ZDHHC5: variants seen among roughly 807,000 people sequenced by gnomAD.
ZDHHC5 encodes the protein palmitoyltransferase ZDHHC5.
Under a neutral mutation model 70.0 loss-of-function variants are expected in ZDHHC5, and 22 were observed. That is an observed-to-expected ratio of 0.31 (90% CI 0.22 to 0.45). The LOEUF is 0.45. Ranked by LOEUF, ZDHHC5 falls within the 20% of genes least tolerant of loss-of-function variation. The pLI is 1.00. For missense variants in ZDHHC5, 746 were observed against 926.9 expected (o/e 0.80, Z 2.53); for synonymous variants, 313 against 347.8 (o/e 0.90, Z 1.11).
chr11:57,679,034 GTTTC>G (rs2135383887), intron 2 of ZDHHC5, among the ~76,000 whole-genome samples: 1 of 152,238 alleles, frequency 6.6e-6, no homozygotes, highest in African/African-American at 2.4e-5. Flanking sequence ...CCTACTTTGT[GTTTC>G]TTTCTAAGAA....
In ZDHHC5 at chr11:57,690,113, T is replaced by G; in HGVS notation, c.467T>G (p.Leu156Arg). Residue 156 changes from leucine to arginine, a missense_variant, in exon 5 of 12, where the codon CTG becomes CGG. By Grantham distance (102) the Leu-to-Arg change is moderately radical. Coordinates refer to ENST00000287169, the MANE Select transcript of ZDHHC5 (RefSeq NM_015457.3). ...YRYFFLFLLS[L>R]TAHIMGVFGF... Reference sequence around the variant, plus strand: ...TATTTTTTCCTTTTCCTCCTTTCCCTGACAGCCCACATTATGGGTGTGTTT... The same window carrying G: ...TATTTTTTCCTTTTCCTCCTTTCCCGGACAGCCCACATTATGGGTGTGTTT... 1 of 1,614,162 alleles carries G rather than the reference T, an allele frequency of 6.2e-7. No individual in the cohort carries two copies. The highest frequency in any genetic ancestry group is 8.5e-7 in the Non-Finnish European group (1 of 1,180,030).
Position 57,696,886 on chromosome 11 carries a change from C to T in ZDHHC5, c.1122+13C>T. The T allele has an allele frequency of 6.2e-7, 1 of 1,612,604 alleles. No homozygotes were observed. Among genetic ancestry groups the T allele is most frequent in the South Asian group, 1.1e-5 (1 of 91,008 alleles). On this transcript the variant is annotated intron_variant, in intron 10 of 11. Coordinates refer to ENST00000287169, the MANE Select transcript of ZDHHC5 (RefSeq NM_015457.3). ...CTCCAGCGCCAAGGTACTGAGTACT[C>T]TAAGAGGTGGGGTAATAACATGCCA...
intron 9 of ZDHHC5, 46 bp downstream of exon 9, chr11:57,696,089 T>C: frequency 6.3e-7 from 1 of 1,579,394 alleles, no homozygotes; most frequent in East Asian, 2.3e-5. Context: ...AGGGGCAGGA[T>C]TGAGAAGGTT....
chr11:57,683,786 C>T (rs944277280), intron 3 of ZDHHC5, among the ~76,000 whole-genome samples: 3 of 151,582 alleles, frequency 2.0e-5, no homozygotes, highest in East Asian at 1.9e-4. Flanking sequence ...ATTTTTGTAA[C>T]GATCAGAGGA....
intron 1 of ZDHHC5, chr11:57,668,726 C>G (rs780899809): frequency 6.6e-6 from 1 of 152,622 alleles, no homozygotes; most frequent in East Asian, 1.9e-4. Flanking sequence ...GTTACCTGTT[C>G]TCTCTCACCC....
chr11:57,697,642 CAAA>C (rs35869929), intron 10 of ZDHHC5, among the ~76,000 whole-genome samples: 8 of 85,666 alleles, frequency 9.3e-5, no homozygotes, highest in Middle Eastern at 6.6e-3. Flanking sequence ...GAGTCCATCT[CAAA>C]AAAAAAAAAA....
chr11:57,697,477 T>A (rs993156581), intron 10 of ZDHHC5, among the ~76,000 whole-genome samples: 27 of 142,690 alleles, frequency 1.9e-4, no homozygotes, highest in South Asian at 4.5e-4. Flanking sequence ...AAAAAATAAA[T>A]AAATAAATAC....
At chr11:57,679,814 A>G (rs1226449789) in intron 2 of ZDHHC5, among the ~76,000 whole-genome samples, 4 of 152,088 alleles carry the variant, frequency 2.6e-5, no homozygotes, top group African/African-American at 9.7e-5. Context: ...CTCTGCTCAC[A>G]CATGCCTCTC....
Position 57,690,325 on chromosome 11 carries a change from T to C in ZDHHC5, c.558-10T>C. ...ATGTTGCTCTGTTCTCCTTGATTGT[T>C]TGGCATCAGAATGGCAGTAATGTGT... On this transcript the variant is annotated splice_polypyrimidine_tract_variant and intron_variant, in intron 5 of 11. Coordinates refer to ENST00000287169, the MANE Select transcript of ZDHHC5 (RefSeq NM_015457.3). The C allele has an allele frequency of 6.2e-7, 1 of 1,614,154 alleles. No individual in the cohort carries two copies. Among genetic ancestry groups the C allele is most frequent in the Non-Finnish European group, 8.5e-7 (1 of 1,180,030 alleles).
At position 57,699,861 on chromosome 11, in the gene ZDHHC5, T is replaced by G; in HGVS notation, c.1983-5T>G. ...TGACACCTACGTCTTGTCTCTTCTT[T>G]CCAGAGATGAAGTACAGCTGAAGAC... On this transcript the variant is annotated splice_region_variant and splice_polypyrimidine_tract_variant and intron_variant, in intron 11 of 11. Transcript: ENST00000287169. The G allele has an allele frequency of 6.2e-7, 1 of 1,614,188 alleles. No individual in the cohort carries two copies. Among genetic ancestry groups the G allele is most frequent in the East Asian group, 2.2e-5 (1 of 44,886 alleles).
intron 3 of ZDHHC5, among the ~76,000 whole-genome samples, chr11:57,686,428 A>C (rs1453512671): frequency 6.6e-6 from 1 of 151,088 alleles, no homozygotes; most frequent in Non-Finnish European, 1.5e-5. Context: ...CAATTATTCT[A>C]CCTCAGCCTC....
chr11:57,690,473 A>G (rs1280526097), intron 6 of ZDHHC5, 36 bp downstream of exon 6: 1 of 1,604,032 alleles, frequency 6.2e-7, no homozygotes, highest in African/African-American at 1.3e-5. Context: ...CCTGAAGAGC[A>G]GGTCATGTCT....
At position 57,672,257 on chromosome 11, in the gene ZDHHC5, A is replaced by G. The variant is rs1946015658; in HGVS notation, c.-834A>G. 1 of 398,494 alleles carries G rather than the reference A, an allele frequency of 2.5e-6. No homozygotes were observed. Among genetic ancestry groups the G allele is most frequent in the Non-Finnish European group, 4.4e-6 (1 of 226,062 alleles). The allele number at this position is 398,494 out of a possible 1,614,324, so 24.7% of individuals were successfully genotyped here. On this transcript the variant is annotated 5_prime_UTR_variant, in exon 2 of 12. Coordinates refer to ENST00000287169, the MANE Select transcript of ZDHHC5 (RefSeq NM_015457.3). ...TAGTTTTACATGAACTTTGTAGGAA[A>G]CAGAGCCCTTAAAGGGCTTGGGAAT...
intron 1 of ZDHHC5, among the ~76,000 whole-genome samples, chr11:57,670,157 G>T (rs1009428541): frequency 1.3e-5 from 2 of 152,106 alleles, no homozygotes; most frequent in Non-Finnish European, 1.5e-5. Flanking sequence ...TAGTCTTTGG[G>T]ATTTTGAGGG....
intron 2 of ZDHHC5, among the ~76,000 whole-genome samples, chr11:57,673,729 C>G (rs1317889896): frequency 6.6e-6 from 1 of 152,136 alleles, no homozygotes; most frequent in African/African-American, 2.4e-5. Flanking sequence ...AACCACCACA[C>G]CTGGCTAATT....
At chr11:57,684,207 C>G (rs1175713884) in intron 3 of ZDHHC5, among the ~76,000 whole-genome samples, 1 of 152,142 alleles carries the variant, frequency 6.6e-6, no homozygotes, top group Admixed American at 6.5e-5. Context: ...GAACTCCTGA[C>G]CTTGTGATTC....
chr11:57,675,556 C>T (rs887507830), intron 2 of ZDHHC5, among the ~76,000 whole-genome samples: 4 of 152,180 alleles, frequency 2.6e-5, no homozygotes, highest in African/African-American at 9.7e-5. Context: ...GCCTCTCATC[C>T]AAAGTTAGAA....
At chr11:57,675,443 C>T (rs1407715704) in intron 2 of ZDHHC5, among the ~76,000 whole-genome samples, 1 of 152,226 alleles carries the variant, frequency 6.6e-6, no homozygotes, top group Non-Finnish European at 1.5e-5. Context: ...CCTACTTTCT[C>T]ATTCCCTGGT....
At position 57,699,930 on chromosome 11, in the gene ZDHHC5, G is replaced by T. The variant is rs374080912; in HGVS notation, c.2047G>T (p.Ala683Ser). ...SNGQPKSLGS[A>S]SPGPGQPPLS... ...CGGGCAGCCCAAGAGCTTAGGCTCA[G>T]CCTCCCCTGGCCCAGGCCAGCCACC... is the stretch of plus-strand genomic sequence containing the variant. Residue 683 changes from alanine (A) to serine (S), a missense_variant, in exon 12 of 12, where the codon GCC (alanine) becomes TCC (serine). This residue lies in a region of ZDHHC5 where 340 missense variants were observed against 350.1 expected (regional missense o/e 0.97). Coordinates refer to ENST00000287169, the MANE Select transcript of ZDHHC5 (RefSeq NM_015457.3). 3.7e-6 allele frequency: 6 copies of T among 1,614,236 alleles called. No individual in the cohort carries two copies. The highest frequency in any genetic ancestry group is 5.1e-6 in the Non-Finnish European group (6 of 1,180,034).
Sources: allele counts gnomAD v4.1 joint callset (sites outside exome capture counted in the v4.1 genomes callset), GRCh38; gene constraint gnomAD v4.1.1; regional missense constraint gnomAD v4.1.1; transcripts MANE v1.5; gene names NCBI Gene and HGNC (gene_info 2026-07-23, HGNC 2026-07-21).